Variants in SH3PXD2A observed in about 807,000 individuals in gnomAD.
SH3PXD2A encodes the protein SH3 and PX domains 2A, also known as SH3 and PX domain-containing protein 2A.
SH3PXD2A carries 32 observed loss-of-function variants against 115.2 expected under a neutral mutation model. The observed-to-expected ratio is 0.28, with a 90% confidence interval of 0.21 to 0.37. The LOEUF (loss-of-function observed/expected upper bound fraction) is 0.37, where lower values mean the gene tolerates loss of function less well. Ranked by LOEUF, SH3PXD2A falls within the 10% of genes least tolerant of loss-of-function variation. The probability of loss-of-function intolerance (pLI) is 1.00; values close to 1 mark genes in which losing one functional copy is unlikely to be tolerated. For missense variants in SH3PXD2A, 1,328 were observed against 1,498.7 expected (o/e 0.89, Z 1.88); for synonymous variants, 610 against 629.1 (o/e 0.97, Z 0.45).
At chr10:103,759,710 C>T (rs181238880) in intron 3 of SH3PXD2A, among the ~76,000 whole-genome samples, 5 of 152,292 alleles carry the variant, frequency 3.3e-5, no homozygotes, top group Admixed American at 2.6e-4. Context: ...CCAGCAAACT[C>T]GGGATACACA....
At chr10:103,718,789 A>ACACAC (rs1589427697) in intron 5 of SH3PXD2A, among the ~76,000 whole-genome samples, 1 of 150,366 alleles carries the variant, frequency 6.7e-6, no homozygotes, top group African/African-American at 2.5e-5. Context: ...ACACACACAC[A>ACACAC]CACACACACG....
At position 103,611,642 on chromosome 10, in the gene SH3PXD2A, G is replaced by A. The variant is rs1359917859; in HGVS notation, c.1259-12C>T. On this transcript the variant is annotated splice_polypyrimidine_tract_variant and intron_variant, in intron 12 of 14. Coordinates refer to ENST00000369774, the MANE Select transcript of SH3PXD2A (RefSeq NM_001394015.1). The stretch of plus-strand genomic sequence containing the variant: ...TAGGTTCGGGGAGCCTAGAGGAAGA[G>A]ACATGGCTTCAGAAATCCTAGTCAG... 1 of 1,612,654 alleles carries A rather than the reference G, an allele frequency of 6.2e-7. No homozygotes were observed. The highest frequency in any genetic ancestry group is 1.3e-5 in the African/African-American group (1 of 74,914).
At chr10:103,628,832 C>T (rs543339110) in intron 8 of SH3PXD2A, among the ~76,000 whole-genome samples, 2 of 152,362 alleles carry the variant, frequency 1.3e-5, no homozygotes, top group East Asian at 1.9e-4. Context: ...TGAAGCAATG[C>T]CACTGGTCCA....
intron 2 of SH3PXD2A, among the ~76,000 whole-genome samples, chr10:103,786,591 C>T (rs2038983366): frequency 6.6e-6 from 1 of 152,136 alleles, no homozygotes; most frequent in Admixed American, 6.5e-5. Flanking sequence ...TGCTTGAACC[C>T]AGGGGTGAGG....
At chr10:103,691,486 A>G (rs1274771999) in intron 6 of SH3PXD2A, among the ~76,000 whole-genome samples, 1 of 151,772 alleles carries the variant, frequency 6.6e-6, no homozygotes, top group Non-Finnish European at 1.5e-5. Context: ...ACAGAACACA[A>G]CCCCCATTTT....
chr10:103,739,230 A>T (rs2038416095), intron 3 of SH3PXD2A, among the ~76,000 whole-genome samples: 1 of 152,040 alleles, frequency 6.6e-6, no homozygotes, highest in African/African-American at 2.4e-5. Flanking sequence ...TCCAGTCTGC[A>T]CTCTGAGTGA....
At chr10:103,635,721 T>C (rs949283051) in intron 8 of SH3PXD2A, among the ~76,000 whole-genome samples, 1 of 152,148 alleles carries the variant, frequency 6.6e-6, no homozygotes, top group Admixed American at 6.5e-5. Flanking sequence ...ACCCCAAAGC[T>C]GCCTCACCCT....
In SH3PXD2A at chr10:103,666,763, C is replaced by T. The variant is rs186574626; in HGVS notation, c.472+1845G>A. Among the ~76,000 whole-genome samples, 63 of 152,314 alleles carry T rather than the reference C, an allele frequency of 4.1e-4. No homozygotes were observed. The highest frequency in any genetic ancestry group is 8.5e-4 in the Non-Finnish European group (58 of 68,036). Reference sequence around the variant, plus strand: ...ACGGGGCTTCAAGTCCTATGGAAATCATAGATGGTCATTTTAAAGCAAGTG... The same window carrying T: ...ACGGGGCTTCAAGTCCTATGGAAATTATAGATGGTCATTTTAAAGCAAGTG... On this transcript the variant is annotated intron_variant, in intron 7 of 14. Coordinates refer to ENST00000369774, the MANE Select transcript of SH3PXD2A (RefSeq NM_001394015.1). The surrounding 1 kb of genome is among the most constrained non-coding windows in gnomAD (Gnocchi z 4.5).
At chr10:103,824,052 G>A (rs957823285) in intron 1 of SH3PXD2A, among the ~76,000 whole-genome samples, 2 of 152,200 alleles carry the variant, frequency 1.3e-5, no homozygotes, top group African/African-American at 4.8e-5. Context: ...GGGAGGAAAT[G>A]TATTGGCTTG....
intron 2 of SH3PXD2A, among the ~76,000 whole-genome samples, chr10:103,797,302 G>T (rs917724801): frequency 6.6e-6 from 1 of 152,178 alleles, no homozygotes; most frequent in Non-Finnish European, 1.5e-5. Context: ...TGGGTGGTGG[G>T]ATGGGAAGGG....
intron 8 of SH3PXD2A, among the ~76,000 whole-genome samples, chr10:103,634,342 G>C (rs147468955): frequency 1.0e-3 from 152 of 152,378 alleles, no homozygotes; most frequent in African/African-American, 3.5e-3. Context: ...GTCTGCACAT[G>C]TGTGTATCAC....
chr10:103,720,647 C>T (rs1256819156), intron 5 of SH3PXD2A, among the ~76,000 whole-genome samples: 1 of 152,222 alleles, frequency 6.6e-6, no homozygotes, highest in Non-Finnish European at 1.5e-5. Flanking sequence ...TCCACAGTCG[C>T]CCCAGAGTCA....
chr10:103,742,652 G>C (rs12772158), intron 3 of SH3PXD2A, among the ~76,000 whole-genome samples: 15,414 of 152,284 alleles, frequency 0.1, 901 homozygotes, highest in Non-Finnish European at 0.12. Context: ...CAAGGACAGG[G>C]GTGGTTTCTA....
intron 2 of SH3PXD2A, among the ~76,000 whole-genome samples, chr10:103,782,827 C>CAA (rs1177829829): frequency 0.012 from 545 of 44,738 alleles, 11 homozygotes; most frequent in African/African-American, 0.018. Context: ...TCCATCTCTC[C>CAA]AAAAAAAAAA....
At chr10:103,752,498 T>A (rs2038589999) in intron 3 of SH3PXD2A, among the ~76,000 whole-genome samples, 1 of 152,066 alleles carries the variant, frequency 6.6e-6, no homozygotes, top group South Asian at 2.1e-4. Context: ...TAAATACAAA[T>A]CTATTACAAT....
chr10:103,667,552 C>T (rs1356810915), intron 7 of SH3PXD2A, among the ~76,000 whole-genome samples: 1 of 152,232 alleles, frequency 6.6e-6, no homozygotes, highest in Non-Finnish European at 1.5e-5. Flanking sequence ...GAGATTGCAA[C>T]GCCCTCCGAC....
rs1565704 is a variant in SH3PXD2A at position 103,665,642 on chromosome 10, G to A, written c.472+2966C>T. Among the ~76,000 whole-genome samples, 6,714 of 152,180 alleles carry A rather than the reference G, an allele frequency of 0.044. 476 individuals are homozygous for A. Among genetic ancestry groups the A allele is most frequent in the African/African-American group, 0.15 (6,285 of 41,484 alleles). On this transcript the variant is annotated intron_variant, in intron 7 of 14. Transcript: ENST00000369774. This position sits in a 1 kb window ranked among gnomAD's most constrained non-coding sequence, Gnocchi z 4.0. ...CCCTGGCCAGGGCAGCCGGGCGGGC[G>A]GGAGCTGCGAGCAGGTATCCAGATG...
At chr10:103,669,840 C>T (rs1227450379) in intron 6 of SH3PXD2A, among the ~76,000 whole-genome samples, 1 of 152,284 alleles carries the variant, frequency 6.6e-6, no homozygotes, top group Non-Finnish European at 1.5e-5. Flanking sequence ...TACTGATAAA[C>T]AGCAGCAAAC....
chr10:103,719,275 G>T lies in SH3PXD2A; in HGVS notation c.398+4995C>A, dbSNP rs193001071. 2.3e-3 allele frequency among the ~76,000 whole-genome samples: 346 copies of T among 152,354 alleles called. 2 individuals carry two copies. The highest frequency in any genetic ancestry group is 7.0e-3 in the South Asian group (34 of 4,824). On this transcript the variant is annotated intron_variant, in intron 5 of 14. Transcript: ENST00000369774. Reference sequence around the variant, plus strand: ...AGCGGGTGCTGACGAGGTTGGGAAGGCGTAGTGGGTGTGAGCTGAGTGATG... The same window carrying T: ...AGCGGGTGCTGACGAGGTTGGGAAGTCGTAGTGGGTGTGAGCTGAGTGATG...
Sources: allele counts gnomAD v4.1 joint callset (sites outside exome capture counted in the v4.1 genomes callset), GRCh38; gene constraint gnomAD v4.1.1; non-coding constraint Gnocchi (gnomAD v3.1); transcripts MANE v1.5; gene names NCBI Gene and HGNC (gene_info 2026-07-23, HGNC 2026-07-21).